Variants in GLI3 observed in about 807,000 individuals in gnomAD.
The protein encoded by GLI3 is transcription activator GLI3.
In GLI3, 20 loss-of-function variants were observed where a neutral mutation model predicts 100.8. The observed-to-expected ratio is 0.20, with a 90% CI of 0.14 to 0.29. The LOEUF is 0.29. Among genes scored for constraint, GLI3 ranks in the 10% least tolerant of loss-of-function variants. The probability of loss-of-function intolerance (pLI) is 1.00; values close to 1 mark genes in which losing one functional copy is unlikely to be tolerated. For synonymous variants in GLI3, 938 were observed against 860.5 expected (o/e 1.09, Z -1.58); for missense variants, 2,040 against 2,128.5 (o/e 0.96, Z 0.82).
chr7:42,102,738 G>A (rs373212311), intron 3 of GLI3, among the ~76,000 whole-genome samples: 13 of 152,308 alleles, frequency 8.5e-5, no homozygotes, highest in African/African-American at 3.1e-4. Context: ...CAGACATGGT[G>A]AGCTGAACTG....
At chr7:42,162,973 T>A (rs1787161967) in intron 2 of GLI3, among the ~76,000 whole-genome samples, 1 of 123,086 alleles carries the variant, frequency 8.1e-6, no homozygotes, top group Non-Finnish European at 1.7e-5. Context: ...ACCTTTTTTT[T>A]TTTTTTTTTT....
At chr7:42,108,895 C>A (rs1268845935) in intron 3 of GLI3, among the ~76,000 whole-genome samples, 1 of 152,060 alleles carries the variant, frequency 6.6e-6, no homozygotes, top group Non-Finnish European at 1.5e-5. Context: ...CCCATCCCAC[C>A]CTCCACCAGC....
At chr7:41,997,522 A>G (rs771071837) in intron 10 of GLI3, among the ~76,000 whole-genome samples, 14 of 152,254 alleles carry the variant, frequency 9.2e-5, no homozygotes, top group Non-Finnish European at 1.5e-4. Context: ...TCATATGATT[A>G]GATGAGCAAA....
intron 2 of GLI3, among the ~76,000 whole-genome samples, chr7:42,170,287 T>TATATATATATACACAC (rs1452471645): frequency 4.0e-5 from 5 of 124,004 alleles, no homozygotes; most frequent in African/African-American, 1.5e-4. Context: ...TATATATATA[T>TATATATATATACACAC]ACACACACAT....
intron 2 of GLI3, among the ~76,000 whole-genome samples, chr7:42,176,904 T>A (rs955940726): frequency 1.3e-5 from 2 of 152,056 alleles, no homozygotes; most frequent in Non-Finnish European, 2.9e-5. Flanking sequence ...CCCCCAAATT[T>A]CCAGGCAGGG....
chr7:42,156,434 G>A (rs972904253), intron 2 of GLI3, among the ~76,000 whole-genome samples: 1 of 152,192 alleles, frequency 6.6e-6, no homozygotes, highest in African/African-American at 2.4e-5. Context: ...CTCTCTCTGT[G>A]AGTCACAGTC....
intron 3 of GLI3, among the ~76,000 whole-genome samples, chr7:42,119,882 A>C (rs1348997135): frequency 1.3e-5 from 2 of 152,144 alleles, no homozygotes; most frequent in African/African-American, 2.4e-5. Flanking sequence ...CCCAGTGTGA[A>C]ATTTGCTGAA....
chr7:42,187,425 A>G (rs566642078), intron 2 of GLI3, among the ~76,000 whole-genome samples: 2 of 152,176 alleles, frequency 1.3e-5, no homozygotes, highest in African/African-American at 4.8e-5. Flanking sequence ...TGATGGCAAC[A>G]TAAGAGGAAA....
At chr7:41,975,570 G>A (rs1446765077) in intron 12 of GLI3, among the ~76,000 whole-genome samples, 2 of 152,172 alleles carry the variant, frequency 1.3e-5, no homozygotes, top group Non-Finnish European at 2.9e-5. Context: ...CTCAAGTGTG[G>A]TCAATGACAT....
intron 1 of GLI3, among the ~76,000 whole-genome samples, chr7:42,234,989 TAAAC>T (rs1316412571): frequency 1.3e-5 from 2 of 152,210 alleles, no homozygotes; most frequent in Non-Finnish European, 2.9e-5. Flanking sequence ...TTTCCTAACA[TAAAC>T]AAATTCTTCA....
At chr7:42,044,752 C>A (rs902730425) in intron 6 of GLI3, among the ~76,000 whole-genome samples, 16 of 151,994 alleles carry the variant, frequency 1.1e-4, no homozygotes, top group Non-Finnish European at 2.2e-4. Context: ...AATGTAAAAC[C>A]TGTTAAAACA....
At chr7:42,214,995 T>TA (rs1191216907) in intron 2 of GLI3, among the ~76,000 whole-genome samples, 1 of 152,090 alleles carries the variant, frequency 6.6e-6, no homozygotes, top group African/African-American at 2.4e-5. Flanking sequence ...AAACTAACAC[T>TA]AAGTTTTGCT....
chr7:42,092,013 T>C (rs35500654), intron 3 of GLI3, among the ~76,000 whole-genome samples: 35,670 of 152,226 alleles, frequency 0.23, 4,415 homozygotes, highest in Admixed American at 0.36. Flanking sequence ...ACCCTCTGCC[T>C]GGGAAGCAGG....
In GLI3 at chr7:41,968,564, C is replaced by T. The variant is rs566621059; in HGVS notation, c.2104-641G>A. Among the ~76,000 whole-genome samples the T allele has an allele frequency of 4.6e-5, 7 of 152,114 alleles. No homozygotes were observed. The South Asian group carries it at 1.5e-3, about 32-fold the overall frequency. ...GTTAGCCAAGCTCTTTGTAACCTCT[C>T]CTCCCTCCTTCCACATTTTCTTGCT... On this transcript the variant is annotated intron_variant, in intron 13 of 14. Transcript: ENST00000395925.
At chr7:42,031,343 A>T (rs985463960) in intron 7 of GLI3, among the ~76,000 whole-genome samples, 8 of 152,258 alleles carry the variant, frequency 5.3e-5, no homozygotes, top group Non-Finnish European at 1.0e-4. Flanking sequence ...AGTCAATAAG[A>T]TCAGTAGAAA....
chr7:42,192,068 A>G (rs1562780202), intron 2 of GLI3, among the ~76,000 whole-genome samples: 1 of 152,196 alleles, frequency 6.6e-6, no homozygotes, highest in East Asian at 1.9e-4. Context: ...GAACAGAGAC[A>G]TGTCATATTT....
chr7:42,182,701 T>A (rs1787639293), intron 2 of GLI3, among the ~76,000 whole-genome samples: 1 of 105,988 alleles, frequency 9.4e-6, no homozygotes. Context: ...TGTATATATA[T>A]ATACACACAT....
intron 10 of GLI3, among the ~76,000 whole-genome samples, chr7:42,008,615 T>C (rs2128724574): frequency 6.6e-6 from 1 of 152,188 alleles, no homozygotes; most frequent in East Asian, 1.9e-4. Flanking sequence ...TATCTGGTTC[T>C]GTCAACCACT....
In GLI3 at chr7:41,977,538, T is replaced by C; in HGVS notation, c.1812+20A>G. 3 of 1,612,176 alleles carry C rather than the reference T, an allele frequency of 1.9e-6. No homozygotes were observed. The highest frequency in any genetic ancestry group is 2.5e-6 in the Non-Finnish European group (3 of 1,178,348). On this transcript the variant is annotated intron_variant, in intron 12 of 14. Transcript: ENST00000395925. ...TCTTTGTTTCCTTATGCAAGCTCCA[T>C]GCCCACTGAGGATGCTTACCTCATT...
Sources: gnomAD v4.1 joint callset for allele counts (sites outside exome capture counted in the v4.1 genomes callset) on GRCh38, gnomAD v4.1.1 for gene constraint, MANE v1.5 for transcripts, NCBI Gene and HGNC (gene_info 2026-07-23, HGNC 2026-07-21) for gene names.